Variants in AK5 observed in about 807,000 individuals in gnomAD.
The protein encoded by AK5 is adenylate kinase isoenzyme 5.
AK5 carries 27 observed loss-of-function variants against 69.5 expected under a neutral mutation model. The ratio of observed to expected loss-of-function variants is 0.39; its 90% CI spans 0.29 to 0.54. The LOEUF is 0.54. Among genes scored for constraint, AK5 ranks in the 20% least tolerant of loss-of-function variants. The pLI, the probability that AK5 is intolerant of heterozygous loss-of-function variation, is 0.71. For missense variants in AK5, 531 were observed against 700.4 expected, an observed-to-expected ratio of 0.76 and a Z score of 2.73; for synonymous variants, 260 against 244.4, an observed-to-expected ratio of 1.06 and a Z score of -0.60.
intron 8 of AK5, among the ~76,000 whole-genome samples, chr1:77,472,301 CT>C (rs1382452341): frequency 6.6e-6 from 1 of 152,150 alleles, no homozygotes; most frequent in African/African-American, 2.4e-5. Context: ...GGGATGCCTC[CT>C]TTTGTGGTCG....
chr1:77,336,229 G>A (rs536093648), intron 5 of AK5, among the ~76,000 whole-genome samples: 109 of 151,964 alleles, frequency 7.2e-4, no homozygotes, highest in African/African-American at 2.3e-3. Context: ...CTACAGGCAT[G>A]CGCCACCACG....
chr1:77,482,649 T>C (rs1655325661), intron 8 of AK5, among the ~76,000 whole-genome samples: 1 of 151,806 alleles, frequency 6.6e-6, no homozygotes, highest in Non-Finnish European at 1.5e-5. Flanking sequence ...GGTACATGCC[T>C]GTATTGCCAG....
At chr1:77,350,695 A>C (rs1368327427) in intron 6 of AK5, among the ~76,000 whole-genome samples, 1 of 152,114 alleles carries the variant, frequency 6.6e-6, no homozygotes, top group Admixed American at 6.6e-5. Flanking sequence ...GGAAAATAGC[A>C]CTCAAAAATC....
intron 8 of AK5, among the ~76,000 whole-genome samples, chr1:77,421,170 A>G (rs1242954074): frequency 1.3e-5 from 2 of 152,160 alleles, no homozygotes; most frequent in South Asian, 2.1e-4. Flanking sequence ...CATTCTTTCC[A>G]TTAGCTTTCA....
At chr1:77,557,384 T>C (rs1253824211) in intron 13 of AK5, 1 of 196,754 alleles carries the variant, frequency 5.1e-6, no homozygotes, top group African/African-American at 2.3e-5. Context: ...CTCATGGAAG[T>C]TGATGCATAC....
chr1:77,307,131 A>G (rs1339328513), intron 5 of AK5, among the ~76,000 whole-genome samples: 2 of 151,346 alleles, frequency 1.3e-5, no homozygotes, highest in East Asian at 3.9e-4. Context: ...CTTTTCTTCT[A>G]CTAATTTTTT....
intron 10 of AK5, 63 bp downstream of exon 10, chr1:77,486,415 G>C: frequency 7.7e-7 from 1 of 1,298,450 alleles, no homozygotes; most frequent in East Asian, 2.4e-5. Flanking sequence ...TTGGTAGTGG[G>C]CCAGGTGCGG....
chr1:77,345,579 T>C (rs1338391876), intron 6 of AK5, among the ~76,000 whole-genome samples: 1 of 152,194 alleles, frequency 6.6e-6, no homozygotes, highest in Non-Finnish European at 1.5e-5. Flanking sequence ...TTGCCTTATT[T>C]TTCTAATTTT....
chr1:77,345,639 C>T (rs186369221), intron 6 of AK5, among the ~76,000 whole-genome samples: 13 of 152,290 alleles, frequency 8.5e-5, no homozygotes, highest in African/African-American at 3.1e-4. Flanking sequence ...TGCTGGGAAA[C>T]GATTGACATA....
intron 12 of AK5, among the ~76,000 whole-genome samples, chr1:77,532,568 C>G (rs1188760358): frequency 1.3e-5 from 2 of 152,212 alleles, no homozygotes; most frequent in Non-Finnish European, 2.9e-5. Context: ...CCTCCATTTC[C>G]TCATCCTTAA....
chr1:77,512,515 G>A (rs780163439), intron 10 of AK5, among the ~76,000 whole-genome samples: 5 of 151,498 alleles, frequency 3.3e-5, no homozygotes, highest in Non-Finnish European at 7.4e-5. Flanking sequence ...GACATTTGGG[G>A]GAACGGGACA....
At chr1:77,478,444 C>T (rs952720937) in intron 8 of AK5, among the ~76,000 whole-genome samples, 14 of 152,190 alleles carry the variant, frequency 9.2e-5, no homozygotes, top group African/African-American at 3.4e-4. Flanking sequence ...GAGTTCTCTA[C>T]ACAAGCTCTC....
At chr1:77,423,325 C>T (rs1650979076) in intron 8 of AK5, among the ~76,000 whole-genome samples, 1 of 151,806 alleles carries the variant, frequency 6.6e-6, no homozygotes, top group Admixed American at 6.6e-5. Context: ...CCCTACCTTC[C>T]CTCTTTCAAA....
At chr1:77,558,555 T>C (rs1335645519) in intron 13 of AK5, 47 bp from the exon 14 acceptor site, 1 of 1,210,546 alleles carries the variant, frequency 8.3e-7, no homozygotes, top group South Asian at 1.3e-5. Flanking sequence ...TTAAACATGA[T>C]TTACAGATAT....
At chr1:77,538,457 G>A (rs1353665442) in intron 13 of AK5, among the ~76,000 whole-genome samples, 1 of 151,488 alleles carries the variant, frequency 6.6e-6, no homozygotes, top group Non-Finnish European at 1.5e-5. Flanking sequence ...AGATTGTCTA[G>A]TGATTTCCAC....
chr1:77,462,259 C>T (rs1310079642), intron 8 of AK5, among the ~76,000 whole-genome samples: 2 of 152,064 alleles, frequency 1.3e-5, no homozygotes, highest in Non-Finnish European at 2.9e-5. Context: ...TCCAGCGAGG[C>T]TGGACCTGGC....
chr1:77,512,714 C>G (rs1448187702), intron 10 of AK5, among the ~76,000 whole-genome samples: 2 of 152,006 alleles, frequency 1.3e-5, no homozygotes, highest in Admixed American at 6.6e-5. Flanking sequence ...CACATGCACA[C>G]GTATGTTTAT....
At chr1:77,388,304 T>C (rs868219480) in intron 6 of AK5, among the ~76,000 whole-genome samples, 1 of 152,232 alleles carries the variant, frequency 6.6e-6, no homozygotes. Flanking sequence ...CAAGTCAAGC[T>C]GCTAGATTAA....
chr1:77,413,043 GAA>G (rs67859581), intron 7 of AK5, among the ~76,000 whole-genome samples: 2 of 151,234 alleles, frequency 1.3e-5, no homozygotes, highest in Non-Finnish European at 2.9e-5. Context: ...CTGCCTTTCT[GAA>G]AAAAAAACAA....
Sources: gnomAD v4.1 joint callset for allele counts (sites outside exome capture counted in the v4.1 genomes callset) on GRCh38, gnomAD v4.1.1 for gene constraint, MANE v1.5 for transcripts, NCBI Gene and HGNC (gene_info 2026-07-23, HGNC 2026-07-21) for gene names.